The following RBFOX2 variants were observed in gnomAD, a reference collection of about 807,000 sequenced individuals.
The protein encoded by RBFOX2 is RNA binding fox-1 homolog 2.
A neutral mutation model predicts 49.1 loss-of-function variants in RBFOX2; 10 were observed. The ratio of observed to expected loss-of-function variants is 0.20; its 90% CI spans 0.13 to 0.35. RBFOX2 has a LOEUF of 0.35. Among genes scored for constraint, RBFOX2 ranks in the 10% least tolerant of loss-of-function variants. The pLI is 1.00. For synonymous variants in RBFOX2, 183 were observed against 187.4 expected, an observed-to-expected ratio of 0.98 and a Z score of 0.19; for missense variants, 323 against 486.9, an observed-to-expected ratio of 0.66 and a Z score of 3.17.
intron 1 of RBFOX2, among the ~76,000 whole-genome samples, chr22:35,830,535 C>G (rs1256534058): frequency 6.6e-6 from 1 of 152,186 alleles, no homozygotes; most frequent in Non-Finnish European, 1.5e-5. Context: ...TGTACTTACA[C>G]AAATTTAGAT....
upstream of RBFOX2, among the ~76,000 whole-genome samples, chr22:35,841,887 A>G (rs999657102): frequency 1.3e-5 from 2 of 152,162 alleles, no homozygotes; most frequent in African/African-American, 4.8e-5. Context: ...ATGCAGTACC[A>G]GGCTTTTAAA....
At chr22:35,849,292 C>T (rs575263881) in intron 1 of RBFOX2, among the ~76,000 whole-genome samples, 2 of 128,518 alleles carry the variant, frequency 1.6e-5, no homozygotes, top group Admixed American at 8.5e-5. Context: ...CACACATACA[C>T]ACACAAACAC....
chr22:35,827,086 T>G (rs753348585), intron 1 of RBFOX2, among the ~76,000 whole-genome samples: 5 of 152,250 alleles, frequency 3.3e-5, no homozygotes, highest in Non-Finnish European at 7.3e-5. Context: ...TGCCATCTAC[T>G]TATTTAGTTC....
At chr22:35,763,462 T>C (rs915860663) in intron 6 of RBFOX2, among the ~76,000 whole-genome samples, 1 of 152,186 alleles carries the variant, frequency 6.6e-6, no homozygotes, top group Non-Finnish European at 1.5e-5. Flanking sequence ...CTCTGGAGGC[T>C]GAGGCACGAG....
chr22:36,018,251 T>C (rs1161274933), intron 1 of RBFOX2, among the ~76,000 whole-genome samples: 6 of 152,186 alleles, frequency 3.9e-5, no homozygotes, highest in Non-Finnish European at 7.3e-5. Context: ...AACAGAGCTA[T>C]AGACATGATG....
At chr22:35,991,655 G>A (rs1473716725) in intron 1 of RBFOX2, among the ~76,000 whole-genome samples, 1 of 152,080 alleles carries the variant, frequency 6.6e-6, no homozygotes, top group East Asian at 1.9e-4. Context: ...CTGGAGAGAG[G>A]AAGAACCCTG....
At chr22:35,782,849 CATTT>C (rs1002042110) in intron 2 of RBFOX2, among the ~76,000 whole-genome samples, 16 of 152,182 alleles carry the variant, frequency 1.1e-4, no homozygotes, top group East Asian at 3.9e-4. Context: ...TGTGGGTATG[CATTT>C]ATTTATTTAT....
chr22:36,012,354 T>G (rs762295236), intron 1 of RBFOX2, among the ~76,000 whole-genome samples: 12 of 152,180 alleles, frequency 7.9e-5, no homozygotes, highest in Non-Finnish European at 1.3e-4. Context: ...AGGTATATTT[T>G]CAGCTGAAAC....
At chr22:35,868,611 T>G (rs766129943) in intron 1 of RBFOX2, among the ~76,000 whole-genome samples, 1 of 152,018 alleles carries the variant, frequency 6.6e-6, no homozygotes, top group Non-Finnish European at 1.5e-5. Flanking sequence ...AATTAAAAAC[T>G]AGCCAGGTGT....
intron 1 of RBFOX2, among the ~76,000 whole-genome samples, chr22:35,948,238 G>T (rs908500600): frequency 5.3e-5 from 8 of 152,232 alleles, no homozygotes; most frequent in Non-Finnish European, 7.4e-5. Context: ...GTATGACAAC[G>T]TATGCTTCAT....
intron 1 of RBFOX2, among the ~76,000 whole-genome samples, chr22:35,886,684 G>C (rs1388919716): frequency 6.6e-6 from 1 of 152,202 alleles, no homozygotes; most frequent in Non-Finnish European, 1.5e-5. Context: ...GGACAGTAAA[G>C]ATACAATTGT....
intron 2 of RBFOX2, among the ~76,000 whole-genome samples, chr22:35,806,341 T>C (rs1229642613): frequency 1.3e-5 from 2 of 151,994 alleles, no homozygotes; most frequent in African/African-American, 4.8e-5. Flanking sequence ...AAAGTAATAA[T>C]TATAATAGTG....
chr22:35,773,961 A>G (rs1418028600), intron 4 of RBFOX2, among the ~76,000 whole-genome samples: 1 of 152,080 alleles, frequency 6.6e-6, no homozygotes, highest in Non-Finnish European at 1.5e-5. Context: ...CTAGGTGACC[A>G]TTTTGGGTTA....
At chr22:35,858,501 C>T (rs1569407205) in intron 1 of RBFOX2, among the ~76,000 whole-genome samples, 1 of 152,060 alleles carries the variant, frequency 6.6e-6, no homozygotes, top group Non-Finnish European at 1.5e-5. Flanking sequence ...AGGATAGAAC[C>T]TGTCCATCCA....
At chr22:35,943,653 CT>C (rs2053940325), upstream of RBFOX2, among the ~76,000 whole-genome samples, 1 of 152,188 alleles carries the variant, frequency 6.6e-6, no homozygotes. Flanking sequence ...AATCCCAGCA[CT>C]TTGCGAGGCT....
chr22:35,810,127 T>C (rs1185012388), intron 1 of RBFOX2, 123 bp from the exon 3 acceptor site: 9 of 934,662 alleles, frequency 9.6e-6, no homozygotes, highest in Admixed American at 7.5e-5. Context: ...GGAATGCTTA[T>C]TGCTCCAGGA....
chr22:35,984,942 G>A (rs2057635290), intron 1 of RBFOX2, among the ~76,000 whole-genome samples: 1 of 152,034 alleles, frequency 6.6e-6, no homozygotes, highest in Admixed American at 6.6e-5. Context: ...CATTAAATGA[G>A]ACACAGTCAC....
intron 1 of RBFOX2, among the ~76,000 whole-genome samples, chr22:35,831,494 A>T (rs1236840870): frequency 6.6e-6 from 1 of 152,198 alleles, no homozygotes; most frequent in Admixed American, 6.5e-5. Context: ...TGACACATAC[A>T]TATTACATGG....
At chr22:35,765,569 TA>T in intron 5 of RBFOX2, 86 bp from the exon 7 acceptor site, 2 of 665,924 alleles carry the variant, frequency 3.0e-6, no homozygotes, top group South Asian at 5.6e-5. Context: ...ACAGAGTATT[TA>T]GTTTAAAATG....
Sources: gnomAD v4.1 joint callset for allele counts (sites outside exome capture counted in the v4.1 genomes callset) on GRCh38, gnomAD v4.1.1 for gene constraint, MANE v1.5 for transcripts, NCBI Gene and HGNC (gene_info 2026-07-23, HGNC 2026-07-21) for gene names.